Variants in UMAD1 observed in about 807,000 individuals in gnomAD.
The protein encoded by UMAD1 is UBAP1-MVB12-associated (UMA) domain containing 1.
In UMAD1, 8 loss-of-function variants were observed where a neutral mutation model predicts 6.1. The observed-to-expected ratio is 1.30, with a 90% CI of 0.76 to 2.35. UMAD1 has a LOEUF of 2.35. Ranked by LOEUF, UMAD1 falls within the 30% of genes most tolerant of loss-of-function variation. The pLI, the probability that UMAD1 is intolerant of heterozygous loss-of-function variation, is 0.00. For missense variants in UMAD1, 130 were observed against 78.4 expected (o/e 1.66, Z -2.49); for synonymous variants, 56 against 31.4 (o/e 1.78, Z -2.61).
At chr7:7,799,681 C>G (rs571933461) in intron 2 of UMAD1, among the ~76,000 whole-genome samples, 1 of 152,298 alleles carries the variant, frequency 6.6e-6, no homozygotes, top group East Asian at 1.9e-4. Context: ...ACATTTGTAT[C>G]ACCTTGTCCA....
intron 3 of UMAD1, among the ~76,000 whole-genome samples, chr7:7,809,368 T>C (rs62432850): frequency 0.061 from 9,215 of 152,028 alleles, 383 homozygotes; most frequent in Non-Finnish European, 0.088. Flanking sequence ...AGTTCAGTAA[T>C]TTAGGGAAAA....
At chr7:7,665,265 A>G (rs973436971) in intron 1 of UMAD1, among the ~76,000 whole-genome samples, 1 of 152,200 alleles carries the variant, frequency 6.6e-6, no homozygotes, top group East Asian at 1.9e-4. Context: ...TCCTACCTCT[A>G]TTCTGAACAA....
chr7:7,829,926 C>A (rs1466826372), intron 3 of UMAD1, among the ~76,000 whole-genome samples: 3 of 152,170 alleles, frequency 2.0e-5, no homozygotes, highest in African/African-American at 7.2e-5. Context: ...TACCTGTCCT[C>A]TCCTTTACCT....
intron 3 of UMAD1, among the ~76,000 whole-genome samples, chr7:7,831,229 C>A (rs1227228113): frequency 6.6e-6 from 1 of 152,106 alleles, no homozygotes; most frequent in East Asian, 1.9e-4. Context: ...TTCAGCATGT[C>A]CTTATCTTAA....
At chr7:7,743,316 C>A (rs1563171325) in intron 2 of UMAD1, among the ~76,000 whole-genome samples, 1 of 152,054 alleles carries the variant, frequency 6.6e-6, no homozygotes, top group Admixed American at 6.5e-5. Flanking sequence ...TTTGTTAAAA[C>A]CTGAATTGTA....
chr7:7,748,410 TG>T (rs1379774541), intron 2 of UMAD1, among the ~76,000 whole-genome samples: 1 of 152,126 alleles, frequency 6.6e-6, no homozygotes, highest in Admixed American at 6.6e-5. Flanking sequence ...TCTAGACATA[TG>T]GTAGACTAAC....
At chr7:7,675,846 C>T (rs10229371) in intron 2 of UMAD1, among the ~76,000 whole-genome samples, 87,894 of 151,970 alleles carry the variant, frequency 0.58, 25,642 homozygotes, top group East Asian at 0.8. Flanking sequence ...AAATCAGGTC[C>T]GCCAGATGTT....
At chr7:7,709,600 C>T (rs900405787) in intron 2 of UMAD1, among the ~76,000 whole-genome samples, 29 of 152,334 alleles carry the variant, frequency 1.9e-4, no homozygotes, top group Non-Finnish European at 3.7e-4. Context: ...TGTCAGAAGT[C>T]ACCTGTTTGC....
chr7:7,773,408 C>A (rs563125976), intron 2 of UMAD1, among the ~76,000 whole-genome samples: 1 of 152,134 alleles, frequency 6.6e-6, no homozygotes, highest in Admixed American at 6.5e-5. Context: ...GTTGATGTAG[C>A]TAAATGTGCA....
chr7:7,778,552 G>A (rs1782274244), intron 2 of UMAD1, among the ~76,000 whole-genome samples: 1 of 151,690 alleles, frequency 6.6e-6, no homozygotes, highest in Admixed American at 6.6e-5. Flanking sequence ...AGCAGCTAGG[G>A]CTACAGGCGT....
At chr7:7,860,275 TA>T (rs1784088596) in intron 3 of UMAD1, among the ~76,000 whole-genome samples, 1 of 152,262 alleles carries the variant, frequency 6.6e-6, no homozygotes, top group Middle Eastern at 3.4e-3. Flanking sequence ...GAGTGTATTA[TA>T]AAAATGTACA....
intron 2 of UMAD1, among the ~76,000 whole-genome samples, chr7:7,794,356 C>CTTTA (rs1014212535): frequency 3.3e-5 from 5 of 152,046 alleles, no homozygotes; most frequent in African/African-American, 1.2e-4. Context: ...TCTTTATTGC[C>CTTTA]TATAAAGCTG....
At chr7:7,738,284 CAG>C (rs1376563681) in intron 2 of UMAD1, among the ~76,000 whole-genome samples, 1 of 152,166 alleles carries the variant, frequency 6.6e-6, no homozygotes, top group Non-Finnish European at 1.5e-5. Context: ...GCAAACAAAA[CAG>C]AGGCTTGTTC....
chr7:7,693,875 A>G (rs1780240364), intron 2 of UMAD1, among the ~76,000 whole-genome samples: 1 of 152,126 alleles, frequency 6.6e-6, no homozygotes, highest in African/African-American at 2.4e-5. Context: ...GGGTTTTTAT[A>G]TTGTTAATAA....
At chr7:7,646,293 T>TA (rs1468532689) in intron 1 of UMAD1, among the ~76,000 whole-genome samples, 1 of 96,936 alleles carries the variant, frequency 1.0e-5, no homozygotes, top group East Asian at 5.6e-4. Flanking sequence ...GGGATGGTGA[T>TA]ACGGTTTGGC....
At chr7:7,864,413 G>A (rs913473264) in intron 3 of UMAD1, among the ~76,000 whole-genome samples, 1 of 151,904 alleles carries the variant, frequency 6.6e-6, no homozygotes, top group African/African-American at 2.4e-5. Context: ...AGCAGCTCAG[G>A]GTGTGAGGGG....
At chr7:7,868,839 G>T (rs1319630750) in intron 3 of UMAD1, among the ~76,000 whole-genome samples, 1 of 152,008 alleles carries the variant, frequency 6.6e-6, no homozygotes, top group African/African-American at 2.4e-5. Context: ...TTCTTTCTTT[G>T]ACCTAACCTT....
intron 2 of UMAD1, among the ~76,000 whole-genome samples, chr7:7,750,203 C>CT: frequency 6.6e-6 from 1 of 152,166 alleles, no homozygotes; most frequent in Non-Finnish European, 1.5e-5. Context: ...CTTAAGAAGT[C>CT]TAGGTAGTAT....
At chr7:7,877,166 G>A in intron 3 of UMAD1, 115 bp from the exon 4 acceptor site, 1 of 611,968 alleles carries the variant, frequency 1.6e-6, no homozygotes, top group South Asian at 2.0e-5. Flanking sequence ...TTCAAATCTG[G>A]GAATATTTAT....
Sources: gnomAD v4.1 joint callset for allele counts (sites outside exome capture counted in the v4.1 genomes callset) on GRCh38, gnomAD v4.1.1 for gene constraint, MANE v1.5 for transcripts, NCBI Gene and HGNC (gene_info 2026-07-23, HGNC 2026-07-21) for gene names.